The following TTC3 variants were observed in gnomAD, a reference collection of about 807,000 sequenced individuals.
TTC3 encodes E3 ubiquitin-protein ligase TTC3.
In TTC3, 180 loss-of-function variants were observed where a neutral mutation model predicts 249.6. The ratio of observed to expected loss-of-function variants is 0.72; its 90% CI spans 0.64 to 0.82. TTC3 has a LOEUF of 0.82. Ranked by LOEUF, TTC3 falls within the 40% of genes least tolerant of loss-of-function variation. The pLI is 0.00. For missense variants in TTC3, 2,061 were observed against 2,398.4 expected, an observed-to-expected ratio of 0.86 and a Z score of 2.94; for synonymous variants, 717 against 805.0, an observed-to-expected ratio of 0.89 and a Z score of 1.85.
intron 10 of TTC3, among the ~76,000 whole-genome samples, chr21:37,106,025 T>C (rs2075046332): frequency 6.6e-6 from 1 of 152,252 alleles, no homozygotes; most frequent in South Asian, 2.1e-4. Flanking sequence ...TGTATCATTT[T>C]GTACTCTTAC....
At chr21:37,105,886 TCTC>T (rs2075032011) in intron 10 of TTC3, among the ~76,000 whole-genome samples, 1 of 152,234 alleles carries the variant, frequency 6.6e-6, no homozygotes, top group Admixed American at 6.5e-5. Context: ...TTGGGTAGCT[TCTC>T]CTATTTGGCT....
chr21:37,132,827 T>A, intron 17 of TTC3, 61 bp downstream of exon 17: 1 of 1,306,994 alleles, frequency 7.7e-7, no homozygotes, highest in Non-Finnish European at 1.1e-6. Context: ...ATTGTTCACA[T>A]GAATAAGGTT....
chr21:37,126,099 A>T, exon 15 of TTC3: 1 of 1,610,648 alleles, frequency 6.2e-7, no homozygotes, highest in Admixed American at 1.7e-5. Context: ...GAGGCGTTGA[A>T]GGTAGATGAT....
intron 11 of TTC3, among the ~76,000 whole-genome samples, chr21:37,120,081 T>G (rs2076462704): frequency 6.6e-6 from 1 of 152,164 alleles, no homozygotes; most frequent in South Asian, 2.1e-4. Context: ...ACTTCCACCG[T>G]GCCGTCCATT....
chr21:37,090,168 C>A, intron 5 of TTC3, 65 bp from the exon 6 acceptor site: 1 of 1,269,876 alleles, frequency 7.9e-7, no homozygotes, highest in Non-Finnish European at 1.1e-6. Context: ...GGCCATTTTT[C>A]CGTTAGAAAA....
chr21:37,159,292 T>G (rs1391670618), intron 28 of TTC3, among the ~76,000 whole-genome samples: 1 of 118,466 alleles, frequency 8.4e-6, no homozygotes, highest in African/African-American at 3.3e-5. Context: ...CCTTGCAGAC[T>G]TCAGACTTGA....
At chr21:37,095,557 C>G (rs2251161) in intron 9 of TTC3, 113 bp downstream of exon 9, 341,162 of 699,836 alleles carry the variant, frequency 0.49, 84,897 homozygotes, top group Middle Eastern at 0.53. Context: ...CCAACTTGTG[C>G]AGAATAGATT....
chr21:37,165,021 A>G (rs1375516863), intron 32 of TTC3, among the ~76,000 whole-genome samples: 2 of 152,188 alleles, frequency 1.3e-5, no homozygotes, highest in African/African-American at 4.8e-5. Context: ...ATATTTCCAG[A>G]GAACTCTTGG....
At chr21:37,079,528 T>TG (rs1038115992) in intron 1 of TTC3, among the ~76,000 whole-genome samples, 5 of 49,170 alleles carry the variant, frequency 1.0e-4, no homozygotes, top group Non-Finnish European at 1.5e-4. Context: ...TTTTTTTTTT[T>TG]TTTTTTTTTT....
At chr21:37,118,261 C>T (rs2076319397) in intron 11 of TTC3, among the ~76,000 whole-genome samples, 1 of 152,034 alleles carries the variant, frequency 6.6e-6, no homozygotes, top group Admixed American at 6.6e-5. Context: ...GGAGTCATAC[C>T]TCTAAGATGT....
Position 37,114,083 on chromosome 21 carries a change from C to T in TTC3, c.900+5637C>T, listed in dbSNP as rs930572632. 1.1e-4 allele frequency among the ~76,000 whole-genome samples: 17 copies of T among 152,314 alleles called. No individual in the cohort carries two copies. In the South Asian group the frequency reaches 2.9e-3, roughly 26 times the overall value. ...AATGTTTGACTTAAAACCATAAAAACCCTAGAAGAAAACCTAGGCAATACC... is the reference window on the plus strand; with the variant it reads ...AATGTTTGACTTAAAACCATAAAAATCCTAGAAGAAAACCTAGGCAATACC... On this transcript the variant is annotated intron_variant, in intron 11 of 45. Transcript: ENST00000355666.
intron 32 of TTC3, among the ~76,000 whole-genome samples, chr21:37,164,786 T>C (rs575188269): frequency 6.6e-6 from 1 of 152,330 alleles, no homozygotes; most frequent in South Asian, 2.1e-4. Flanking sequence ...CTTTGTGTTA[T>C]TAGATAGTGC....
intron 35 of TTC3, among the ~76,000 whole-genome samples, chr21:37,182,390 C>T (rs2082838428): frequency 6.6e-6 from 1 of 152,216 alleles, no homozygotes; most frequent in Non-Finnish European, 1.5e-5. Context: ...TAATGACCAG[C>T]AAGAGGATTA....
intron 29 of TTC3, among the ~76,000 whole-genome samples, chr21:37,160,394 C>G (rs1321648286): frequency 6.6e-6 from 1 of 152,188 alleles, no homozygotes; most frequent in Non-Finnish European, 1.5e-5. Flanking sequence ...CCATAAGGAG[C>G]TGAAGGCTTC....
chr21:37,183,491 G>A (rs549605756), intron 36 of TTC3, among the ~76,000 whole-genome samples: 1 of 152,218 alleles, frequency 6.6e-6, no homozygotes, highest in South Asian at 2.1e-4. Flanking sequence ...CTACCACTGT[G>A]TAAGAAAACA....
At chr21:37,096,253 G>A (rs903824086) in intron 9 of TTC3, among the ~76,000 whole-genome samples, 1 of 152,174 alleles carries the variant, frequency 6.6e-6, no homozygotes, top group Non-Finnish European at 1.5e-5. Flanking sequence ...TATTATATAA[G>A]TAATCCTATC....
At chr21:37,201,469 C>G (rs200867607) in exon 46 of TTC3, 1 of 1,613,982 alleles carries the variant, frequency 6.2e-7, no homozygotes. Context: ...AAGGGCAGAG[C>G]GCTTGCCCGG....
rs1420143333 is a variant in TTC3, at chr21:37,142,083, T to C, written c.1772+1410T>C. 2.0e-5 allele frequency among the ~76,000 whole-genome samples: 3 copies of C among 152,228 alleles called. No individual in the cohort carries two copies. In the East Asian group the frequency reaches 5.8e-4, roughly 29 times the overall value. On this transcript the variant is annotated intron_variant, in intron 20 of 45. Transcript: ENST00000355666. ...ATGCTAAAACTCTCAATAAATTAGG[T>C]ATTGATGGGACGTATCTCAAAATAA...
rs532235944 is a variant in TTC3, at chr21:37,151,199, C to A, written c.2276+315C>A. 1.1e-4 allele frequency among the ~76,000 whole-genome samples: 17 copies of A among 152,140 alleles called. No homozygotes were observed. The South Asian group carries it at 3.5e-3, about 32-fold the overall frequency. ...ATTTATATAAAAACTATACAGTTTG[C>A]TCTCAGTTGTTGAAACTTTAATTCC... On this transcript the variant is annotated intron_variant, in intron 25 of 45. Coordinates refer to ENST00000355666, the Ensembl canonical transcript of TTC3.
Sources: gnomAD v4.1 joint callset for allele counts (sites outside exome capture counted in the v4.1 genomes callset) on GRCh38, gnomAD v4.1.1 for gene constraint, MANE v1.5 for transcripts, NCBI Gene and HGNC (gene_info 2026-07-23, HGNC 2026-07-21) for gene names.